Variants in MRPS22 observed in about 807,000 individuals in gnomAD.
The protein encoded by MRPS22 is mitochondrial ribosomal protein S22, also known as small ribosomal subunit protein mS22.
Under a neutral mutation model 44.0 loss-of-function variants are expected in MRPS22, and 30 were observed. The observed-to-expected ratio is 0.68, with a 90% confidence interval of 0.51 to 0.93. MRPS22 has a LOEUF of 0.93. Among genes scored for constraint, MRPS22 ranks in the 40% least tolerant of loss-of-function variants. The pLI is 0.00. For synonymous variants in MRPS22, 165 were observed against 154.4 expected (o/e 1.07, Z -0.51); for missense variants, 447 against 447.8 (o/e 1.00, Z 0.02).
rs763954594 is a variant in MRPS22 at position 139,348,214 on chromosome 3, C to G, written c.394C>G (p.Leu132Val). The change falls in exon 3 of 8, where the codon CTG (leucine) becomes GTG (valine). Residue 132 changes from leucine to valine, a missense_variant. Leu to Val is a conservative substitution (Grantham distance 32, BLOSUM62 1). Transcript: ENST00000680020. The stretch of plus-strand genomic sequence containing the variant: ...AGTACGATTAAAAATGCCACCAGTT[C>G]TGGAAGAGCGAGTACCAATAAATGA... ...AKVRLKMPPV[L>V]EERVPINDVL... is the part of the protein sequence containing the mutation. 6.2e-7 allele frequency: 1 copy of G among 1,614,120 alleles called. No individual in the cohort carries two copies. The highest frequency in any genetic ancestry group is 8.5e-7 in the Non-Finnish European group (1 of 1,180,006).
chr3:139,344,134 G>A lies in MRPS22; in HGVS notation c.108G>A (p.Leu36=). The change falls in exon 1 of 8, where the codon CTG becomes CTA. Residue 36 remains leucine, a synonymous_variant. Transcript: ENST00000680020. ...GAATCCAGCCCTGGCACGGTGGCCTGCTCCAACCGCTACCTTGCTCTTTCG... is the reference window on the plus strand; with the variant it reads ...GAATCCAGCCCTGGCACGGTGGCCTACTCCAACCGCTACCTTGCTCTTTCG... The part of the protein sequence containing the change: ...RARIQPWHGG[L]LQPLPCSFEM... 6.2e-7 allele frequency: 1 copy of A among 1,613,740 alleles called. No individual in the cohort carries two copies. The highest frequency in any genetic ancestry group is 8.5e-7 in the Non-Finnish European group (1 of 1,179,906).
intron 6 of MRPS22, among the ~76,000 whole-genome samples, chr3:139,354,927 T>C (rs1941215415): frequency 6.6e-6 from 1 of 152,082 alleles, no homozygotes; most frequent in Non-Finnish European, 1.5e-5. Flanking sequence ...GAAAAGATAG[T>C]GATTGTTTGG....
intron 6 of MRPS22, 61 bp downstream of exon 6, chr3:139,352,853 T>C (rs1201570484): frequency 1.3e-6 from 2 of 1,549,314 alleles, no homozygotes; most frequent in African/African-American, 2.7e-5. Context: ...TCATCTGTAT[T>C]TAGGCTATGG....
intron 1 of MRPS22, among the ~76,000 whole-genome samples, chr3:139,345,706 G>T (rs1043382692): frequency 6.6e-6 from 1 of 152,126 alleles, no homozygotes; most frequent in Non-Finnish European, 1.5e-5. Flanking sequence ...AAGATTTCTG[G>T]CCTGTATGGC....
chr3:139,357,093 G>A lies in MRPS22; in HGVS notation c.*79G>A. ...AATATTGAGCTAAATGTTAAAAAAT[G>A]GCCAGATTAAAAGATATCAATTTGT... On this transcript the variant is annotated 3_prime_UTR_variant, in exon 8 of 8. Coordinates refer to ENST00000680020, the MANE Select transcript of MRPS22 (RefSeq NM_020191.4). 8.0e-7 allele frequency: 1 copy of A among 1,253,242 alleles called. No individual in the cohort carries two copies. The highest frequency in any genetic ancestry group is 1.1e-6 in the Non-Finnish European group (1 of 878,808). 77.6% of individuals were successfully genotyped at this position (1,253,242 alleles called of 1,614,324 possible).
chr3:139,355,337 AGC>A (rs755332181), intron 6 of MRPS22, among the ~76,000 whole-genome samples: 31 of 152,204 alleles, frequency 2.0e-4, no homozygotes, highest in Non-Finnish European at 3.4e-4. Context: ...TGGTGAAGTA[AGC>A]TGGCCTGGAA....
chr3:139,353,686 A>G (rs1213314448), intron 6 of MRPS22, among the ~76,000 whole-genome samples: 3 of 152,202 alleles, frequency 2.0e-5, no homozygotes, highest in Non-Finnish European at 4.4e-5. Flanking sequence ...TAGAAACAAT[A>G]TTCCTAATGA....
chr3:139,344,274 C>A (rs1035409830), intron 1 of MRPS22, 76 bp downstream of exon 1: 34 of 1,450,808 alleles, frequency 2.3e-5, no homozygotes, highest in Non-Finnish European at 2.9e-5. Context: ...GCGAAAACCA[C>A]GCGATAGCCC....
rs1280592557 is a variant in MRPS22, at chr3:139,350,680, C to G, written c.649-297C>G. The G allele has an allele frequency of 2.5e-5, 9 of 363,278 alleles. No individual in the cohort carries two copies. In the Admixed American group the frequency reaches 4.8e-4, roughly 19 times the overall value. 22.5% of individuals were successfully genotyped at this position (363,278 alleles called of 1,614,324 possible). A position where few individuals can be genotyped will look rare whatever the true frequency, so the allele number is the denominator to read the frequency against. On this transcript the variant is annotated intron_variant, in intron 4 of 7. Transcript: ENST00000680020. ...TGACCTCGGGATTCGCACCCCCCCC[C>G]CGCAATCCGACTCCCAAAGTGCTGG...
At chr3:139,350,433 T>TCTAATGATAAC in intron 4 of MRPS22, 111 bp downstream of exon 4, 1 of 1,284,490 alleles carries the variant, frequency 7.8e-7, no homozygotes, top group East Asian at 2.4e-5. Context: ...AACTTGACTT[T>TCTAATGATAAC]TTTTTTTTTT....
Position 139,344,047 on chromosome 3 carries a change from T to C in MRPS22, c.21T>C (p.Thr7=), listed in dbSNP as rs1419760605. MAPLGT[T]VLLWSLLRSS... ...TAATCATGGCGCCCCTCGGAACAAC[T>C]GTATTGCTGTGGAGCCTCTTGAGGA... is the stretch of plus-strand genomic sequence containing the variant. The change falls in exon 1 of 8, where the codon ACT becomes ACC. Residue 7 remains threonine (T), a synonymous_variant. Coordinates refer to ENST00000680020, the MANE Select transcript of MRPS22 (RefSeq NM_020191.4). The C allele has an allele frequency of 3.7e-6, 6 of 1,613,976 alleles. No individual in the cohort carries two copies. Among genetic ancestry groups the C allele is most frequent in the Non-Finnish European group, 5.1e-6 (6 of 1,180,028 alleles).
intron 2 of MRPS22, among the ~76,000 whole-genome samples, chr3:139,347,875 C>T (rs1941071754): frequency 6.6e-6 from 1 of 152,200 alleles, no homozygotes; most frequent in Non-Finnish European, 1.5e-5. Context: ...CCCAAAACTG[C>T]ATTCTTTTAT....
chr3:139,349,481 C>G (rs1941107355), intron 3 of MRPS22: 1 of 234,772 alleles, frequency 4.3e-6, no homozygotes, highest in African/African-American at 2.4e-5. Context: ...GTATGCCACT[C>G]CCGGTATTGC....
In MRPS22 at chr3:139,344,100, T is replaced by A; in HGVS notation, c.74T>A (p.Phe25Tyr). 6.2e-7 allele frequency: 1 copy of A among 1,614,140 alleles called. No homozygotes were observed. The highest frequency in any genetic ancestry group is 2.2e-5 in the East Asian group (1 of 44,858). ...RSSPGVERVC[F>Y]RARIQPWHGG... ...TCTCCGGGCGTGGAACGGGTCTGTT[T>A]CCGGGCTCGAATCCAGCCCTGGCAC... is the stretch of plus-strand genomic sequence containing the variant. The change falls in exon 1 of 8, where the codon TTC becomes TAC. Residue 25 changes from phenylalanine (F) to tyrosine (Y), a missense_variant. By Grantham distance (22) the Phe-to-Tyr change is conservative. Transcript: ENST00000680020.
chr3:139,357,047 T>TACTG lies in MRPS22; in HGVS notation c.*37_*40dup, dbSNP rs1366218904. The TACTG allele has an allele frequency of 4.1e-6, 6 of 1,451,034 alleles. No individual in the cohort carries two copies. The East Asian group carries it at 7.2e-5, about 17-fold the overall frequency. The allele number at this position is 1,451,034 out of a possible 1,614,324, so 89.9% of individuals were successfully genotyped here. ...TTAAAAATACATTTATTTTACTAAA[T>TACTG]ACTGACTACATTTCTCTGTTAATAT... On this transcript the variant is annotated 3_prime_UTR_variant, in exon 8 of 8. Coordinates refer to ENST00000680020, the MANE Select transcript of MRPS22 (RefSeq NM_020191.4).
intron 1 of MRPS22, 136 bp downstream of exon 1, chr3:139,344,334 T>C: frequency 2.0e-6 from 2 of 985,364 alleles, no homozygotes; most frequent in South Asian, 1.4e-5. Flanking sequence ...CTTCCTTCTG[T>C]ACCTGTAGAG....
At chr3:139,349,584 G>A (rs1045105042) in intron 3 of MRPS22, 8 of 222,792 alleles carry the variant, frequency 3.6e-5, no homozygotes, top group Non-Finnish European at 6.4e-5. Context: ...ATTTCCAGTT[G>A]AATGGTATAA....
chr3:139,348,390 A>G (rs916416127), intron 3 of MRPS22, 66 bp downstream of exon 3: 3 of 1,533,268 alleles, frequency 2.0e-6, no homozygotes, highest in South Asian at 2.2e-5. Flanking sequence ...GGCTTGAGAG[A>G]TGATGTGACC....
rs772578397 is a variant in MRPS22 at position 139,356,962 on chromosome 3, T to TAAC, written c.1033_1035dup (p.Thr345dup). On this transcript the variant is annotated inframe_insertion, in exon 8 of 8. Coordinates refer to ENST00000680020, the MANE Select transcript of MRPS22 (RefSeq NM_020191.4). ...GCACAGAAGGGAGCCTATATAGAAC[T>TAAC]AACACTGCAGACTTATCAAGAAGCA... is the stretch of plus-strand genomic sequence containing the variant. The TAAC allele has an allele frequency of 1.2e-6, 2 of 1,613,214 alleles. No individual in the cohort carries two copies. The highest frequency in any genetic ancestry group is 2.2e-5 in the South Asian group (2 of 90,754).
Sources: allele counts gnomAD v4.1 joint callset (sites outside exome capture counted in the v4.1 genomes callset), GRCh38; gene constraint gnomAD v4.1.1; transcripts MANE v1.5; gene names NCBI Gene and HGNC (gene_info 2026-07-23, HGNC 2026-07-21).